CALCRL: variants seen among roughly 807,000 people sequenced by gnomAD.
CALCRL encodes calcitonin gene-related peptide type 1 receptor.
In CALCRL, 27 loss-of-function variants were observed where a neutral mutation model predicts 60.4. The observed-to-expected ratio is 0.45, with a 90% CI of 0.33 to 0.62. CALCRL has a LOEUF of 0.62. Ranked by LOEUF, CALCRL falls within the 20% of genes least tolerant of loss-of-function variation. The probability of loss-of-function intolerance (pLI) is 0.03; values close to 1 mark genes in which losing one functional copy is unlikely to be tolerated. For synonymous variants in CALCRL, 190 were observed against 182.6 expected (o/e 1.04, Z -0.33); for missense variants, 424 against 540.7 (o/e 0.78, Z 2.14).
At chr2:187,386,703 A>AAATATAATATTCATTTAAT (rs1553509614) in intron 3 of CALCRL, among the ~76,000 whole-genome samples, 1 of 152,072 alleles carries the variant, frequency 6.6e-6, no homozygotes, top group Admixed American at 6.6e-5. Flanking sequence ...TGTAGCCATA[A>AAATATAATATTCATTTAAT]CTAAATGATA....
chr2:187,377,501 G>A (rs1030853791), intron 8 of CALCRL, among the ~76,000 whole-genome samples: 2 of 152,116 alleles, frequency 1.3e-5, no homozygotes, highest in African/African-American at 4.8e-5. Flanking sequence ...GGAGGAGGTA[G>A]ATAATATGAA....
intron 1 of CALCRL, among the ~76,000 whole-genome samples, chr2:187,417,077 C>T (rs1175996027): frequency 6.6e-6 from 1 of 151,988 alleles, no homozygotes; most frequent in Non-Finnish European, 1.5e-5. Flanking sequence ...AGCTCTCTTA[C>T]TGGAATAAGA....
intron 8 of CALCRL, among the ~76,000 whole-genome samples, chr2:187,365,261 T>C (rs949659574): frequency 1.3e-5 from 2 of 152,186 alleles, no homozygotes; most frequent in African/African-American, 4.8e-5. Flanking sequence ...AAATCAGTTA[T>C]ATTATGTGTG....
At chr2:187,393,829 A>T (rs1688549790) in intron 1 of CALCRL, among the ~76,000 whole-genome samples, 1 of 152,092 alleles carries the variant, frequency 6.6e-6, no homozygotes, top group South Asian at 2.1e-4. Flanking sequence ...GGGACCAGGA[A>T]CAAGCATTTT....
rs762268206 is a variant in CALCRL, at chr2:187,379,041, G to A, written c.409-10C>T. ...ACAAATTTAGTGCAGTCTGTAATTT[G>A]TATAAACAAAAAAATTTGGTTCATA... On this transcript the variant is annotated splice_polypyrimidine_tract_variant and intron_variant, in intron 7 of 14. Coordinates refer to ENST00000392370, the MANE Select transcript of CALCRL (RefSeq NM_005795.6). 2 of 1,557,366 alleles carry A rather than the reference G, an allele frequency of 1.3e-6. No homozygotes were observed. The highest frequency in any genetic ancestry group is 1.8e-6 in the Non-Finnish European group (2 of 1,133,614).
intron 1 of CALCRL, among the ~76,000 whole-genome samples, chr2:187,400,417 A>T (rs180839672): frequency 6.5e-4 from 98 of 151,624 alleles, no homozygotes; most frequent in Middle Eastern, 6.8e-3. Context: ...AATTATAACC[A>T]CCATATATTG....
At chr2:187,415,884 GA>G in intron 1 of CALCRL, 1 of 282,452 alleles carries the variant, frequency 3.5e-6, no homozygotes, top group South Asian at 5.3e-5. Flanking sequence ...AGCACGAGAG[GA>G]AGAGAGAGGA....
chr2:187,351,902 TA>T lies in CALCRL; in HGVS notation c.1170+17del. 6.8e-7 allele frequency: 1 copy of T among 1,473,012 alleles called. No individual in the cohort carries two copies. Among genetic ancestry groups the T allele is most frequent in the Non-Finnish European group, 9.4e-7 (1 of 1,061,138 alleles). 91.2% of individuals were successfully genotyped at this position (1,473,012 alleles called of 1,614,324 possible). A position where few individuals can be genotyped will look rare whatever the true frequency, so the allele number is the denominator to read the frequency against. ...AGCAAATATAAAATAATAGAAGGAA[TA>T]AAATCAATTATCATACCTCTCCATT... On this transcript the variant is annotated intron_variant, in intron 14 of 14. Transcript: ENST00000392370.
At chr2:187,370,157 A>C (rs575068460) in intron 8 of CALCRL, among the ~76,000 whole-genome samples, 1 of 152,260 alleles carries the variant, frequency 6.6e-6, no homozygotes, top group Admixed American at 6.5e-5. Flanking sequence ...TTGACATCTT[A>C]ATGTTTCATC....
intron 5 of CALCRL, among the ~76,000 whole-genome samples, chr2:187,381,450 A>T (rs913881058): frequency 1.3e-5 from 2 of 151,980 alleles, no homozygotes; most frequent in Non-Finnish European, 2.9e-5. Context: ...GTCTATAATT[A>T]AAAAAGTAAT....
At chr2:187,420,800 A>T (rs1224092626) in intron 1 of CALCRL, among the ~76,000 whole-genome samples, 1 of 152,182 alleles carries the variant, frequency 6.6e-6, no homozygotes, top group African/African-American at 2.4e-5. Context: ...CAAATACAGT[A>T]ATAATCCATA....
chr2:187,403,331 T>C (rs1033998530), intron 1 of CALCRL, among the ~76,000 whole-genome samples: 48 of 151,674 alleles, frequency 3.2e-4, no homozygotes, highest in African/African-American at 1.1e-3. Context: ...TAGAATAAAA[T>C]GGGTGGTGGG....
chr2:187,384,650 G>A (rs775909754), intron 4 of CALCRL, among the ~76,000 whole-genome samples: 2 of 152,050 alleles, frequency 1.3e-5, no homozygotes, highest in Non-Finnish European at 2.9e-5. Context: ...ATACAAATGC[G>A]GACAGGAATG....
chr2:187,408,138 T>TA (rs1449058303), intron 1 of CALCRL, among the ~76,000 whole-genome samples: 1 of 152,030 alleles, frequency 6.6e-6, no homozygotes, highest in Non-Finnish European at 1.5e-5. Flanking sequence ...ATCCAAGACA[T>TA]ATATATTAAT....
intron 1 of CALCRL, among the ~76,000 whole-genome samples, chr2:187,407,902 T>C (rs1215087784): frequency 6.6e-6 from 1 of 152,092 alleles, no homozygotes; most frequent in African/African-American, 2.4e-5. Context: ...AAGACTTGTT[T>C]TGCATGGTGC....
chr2:187,368,052 G>C (rs2105747842), intron 8 of CALCRL, among the ~76,000 whole-genome samples: 1 of 152,110 alleles, frequency 6.6e-6, no homozygotes, highest in African/African-American at 2.4e-5. Context: ...TCTGAACTCT[G>C]CCATCTATTG....
chr2:187,408,631 A>G (rs940977294), intron 1 of CALCRL, among the ~76,000 whole-genome samples: 1 of 152,034 alleles, frequency 6.6e-6, no homozygotes, highest in Non-Finnish European at 1.5e-5. Flanking sequence ...ACCCCCTTCT[A>G]TGGCTGGTTT....
intron 1 of CALCRL, among the ~76,000 whole-genome samples, chr2:187,433,997 A>T (rs1690518789): frequency 6.6e-6 from 1 of 151,406 alleles, no homozygotes; most frequent in East Asian, 2.0e-4. Flanking sequence ...AAATTATTGT[A>T]AATGTGCAAC....
At chr2:187,435,774 A>T (rs983028900) in intron 1 of CALCRL, among the ~76,000 whole-genome samples, 5 of 152,118 alleles carry the variant, frequency 3.3e-5, no homozygotes, top group African/African-American at 1.2e-4. Context: ...TGTATAAATT[A>T]TATATGATTT....
Sources: gnomAD v4.1 joint callset for allele counts (sites outside exome capture counted in the v4.1 genomes callset) on GRCh38, gnomAD v4.1.1 for gene constraint, MANE v1.5 for transcripts, NCBI Gene and HGNC (gene_info 2026-07-23, HGNC 2026-07-21) for gene names.